The following ADGRB3 variants were observed in gnomAD, a reference collection of about 807,000 sequenced individuals.
The protein encoded by ADGRB3 is adhesion G protein-coupled receptor B3.
Under a neutral mutation model 193.4 loss-of-function variants are expected in ADGRB3, and 37 were observed. The ratio of observed to expected loss-of-function variants is 0.19; its 90% CI spans 0.15 to 0.25. The LOEUF is 0.25. ADGRB3 is among the 10% of genes least tolerant of loss of function. The pLI, the probability that ADGRB3 is intolerant of heterozygous loss-of-function variation, is 1.00. For synonymous variants in ADGRB3, 690 were observed against 644.2 expected (o/e 1.07, Z -1.08); for missense variants, 1,637 against 1,852.9 (o/e 0.88, Z 2.14).
chr6:69,311,881 C>T (rs1433590000), intron 20 of ADGRB3, among the ~76,000 whole-genome samples: 2 of 151,694 alleles, frequency 1.3e-5, no homozygotes, highest in African/African-American at 2.4e-5. Context: ...TTAATATTTC[C>T]CATTGTAAAA....
chr6:69,142,356 A>G (rs1221058075), intron 17 of ADGRB3, among the ~76,000 whole-genome samples: 1 of 152,200 alleles, frequency 6.6e-6, no homozygotes, highest in Non-Finnish European at 1.5e-5. Context: ...TAATAAAAGT[A>G]TATCTGTCTT....
chr6:69,029,063 G>GT (rs1379038268), intron 13 of ADGRB3, among the ~76,000 whole-genome samples: 1 of 151,990 alleles, frequency 6.6e-6, no homozygotes, highest in Non-Finnish European at 1.5e-5. Context: ...TTACATCTTG[G>GT]TAATTGAAAG....
chr6:69,028,844 GT>G (rs1562127734), intron 13 of ADGRB3, among the ~76,000 whole-genome samples: 2 of 152,118 alleles, frequency 1.3e-5, no homozygotes, highest in South Asian at 4.1e-4. Flanking sequence ...ATTTTTATTT[GT>G]TTTTTCCCCT....
intron 24 of ADGRB3, among the ~76,000 whole-genome samples, chr6:69,337,630 T>C (rs1413785785): frequency 1.3e-5 from 2 of 152,188 alleles, no homozygotes; most frequent in Non-Finnish European, 2.9e-5. Flanking sequence ...ACATGTGCCC[T>C]GGAGTGGATC....
intron 11 of ADGRB3, among the ~76,000 whole-genome samples, chr6:69,006,735 T>C (rs945190231): frequency 1.3e-5 from 2 of 152,044 alleles, no homozygotes; most frequent in Non-Finnish European, 2.9e-5. Flanking sequence ...CTTGAACTCC[T>C]GACCTCAGGA....
chr6:68,826,908 G>C (rs115127428), intron 3 of ADGRB3, among the ~76,000 whole-genome samples: 1,758 of 152,260 alleles, frequency 0.012, 32 homozygotes, highest in African/African-American at 0.04. Flanking sequence ...AACTTGGAGA[G>C]GTCAGTTTTG....
At chr6:68,644,855 A>G (rs1387183374) in intron 3 of ADGRB3, among the ~76,000 whole-genome samples, 1 of 152,200 alleles carries the variant, frequency 6.6e-6, no homozygotes, top group African/African-American at 2.4e-5. Flanking sequence ...GTATGTATAC[A>G]ATGTATACAC....
chr6:68,775,145 TA>T lies in ADGRB3; in HGVS notation c.757+135729del, dbSNP rs746086066. 3.0e-3 allele frequency among the ~76,000 whole-genome samples: 343 copies of T among 115,622 alleles called. 2 individuals are homozygous for T. Among genetic ancestry groups the T allele is most frequent in the South Asian group, 2.7e-3 (9 of 3,376 alleles). The allele number at this position is 115,622 out of a possible 152,430, so 75.9% of individuals were successfully genotyped here. A position where few individuals can be genotyped will look rare whatever the true frequency, so the allele number is the denominator to read the frequency against. ...TCCATAGCTCTGACAAGCTGCTTGTTAAAAAAAAAAAAAAAAGTCTTTTAAT... is the reference window on the plus strand; with the variant it reads ...TCCATAGCTCTGACAAGCTGCTTGTTAAAAAAAAAAAAAAAGTCTTTTAAT... On this transcript the variant is annotated intron_variant, in intron 3 of 31. Transcript: ENST00000370598.
chr6:68,733,758 C>G, intron 3 of ADGRB3, among the ~76,000 whole-genome samples: 1 of 151,620 alleles, frequency 6.6e-6, no homozygotes. Context: ...TGACTATAGT[C>G]AATAAAAACA....
chr6:69,040,307 C>CCCTTTCTTTCTTTCTTTCTT (rs1554251201), intron 13 of ADGRB3, among the ~76,000 whole-genome samples: 1 of 94,758 alleles, frequency 1.1e-5, no homozygotes, highest in South Asian at 3.9e-4. Flanking sequence ...CTTTCTCTGT[C>CCCTTTCTTTCTTTCTTTCTT]TCTTTCTTTC....
At chr6:68,727,069 G>A (rs903772424) in intron 3 of ADGRB3, among the ~76,000 whole-genome samples, 5 of 151,472 alleles carry the variant, frequency 3.3e-5, no homozygotes, top group Admixed American at 1.3e-4. Context: ...TCCAATATCC[G>A]TGTGGTAGCC....
chr6:68,860,140 T>G (rs979552985), intron 3 of ADGRB3, among the ~76,000 whole-genome samples: 1 of 152,180 alleles, frequency 6.6e-6, no homozygotes, highest in South Asian at 2.1e-4. Flanking sequence ...CTGTATTCAG[T>G]ATGTTGTGTT....
intron 17 of ADGRB3, among the ~76,000 whole-genome samples, chr6:69,100,905 CG>C (rs1773027456): frequency 9.1e-5 from 1 of 11,020 alleles, no homozygotes; most frequent in Non-Finnish European, 1.5e-4. Context: ...AAGGAAGAAG[CG>C]AGGGAGGGAA....
chr6:69,285,352 G>A (rs187152950), intron 20 of ADGRB3, among the ~76,000 whole-genome samples: 16 of 152,070 alleles, frequency 1.1e-4, no homozygotes, highest in East Asian at 3.9e-4. Flanking sequence ...ACTTCTAGTC[G>A]TCCTCCACCT....
At chr6:69,206,122 T>C (rs894823875) in intron 17 of ADGRB3, among the ~76,000 whole-genome samples, 3 of 145,708 alleles carry the variant, frequency 2.1e-5, no homozygotes, top group African/African-American at 7.6e-5. Flanking sequence ...GGTCCCACAA[T>C]AGGTCATCTG....
intron 3 of ADGRB3, among the ~76,000 whole-genome samples, chr6:68,859,425 C>T (rs1268334790): frequency 6.6e-6 from 1 of 152,108 alleles, no homozygotes; most frequent in African/African-American, 2.4e-5. Flanking sequence ...CACCCCACTC[C>T]TGGTACCAAT....
chr6:69,146,560 G>A (rs569950791), intron 17 of ADGRB3, among the ~76,000 whole-genome samples: 72 of 152,312 alleles, frequency 4.7e-4, no homozygotes, highest in African/African-American at 1.6e-3. Context: ...ACACACCTGG[G>A]GAACAAGAGG....
chr6:69,257,086 G>T (rs1215137383), intron 20 of ADGRB3, among the ~76,000 whole-genome samples: 6 of 152,086 alleles, frequency 3.9e-5, no homozygotes, highest in African/African-American at 1.4e-4. Context: ...TTTTTGATGT[G>T]CTGCTGGATT....
At chr6:69,259,903 A>G (rs892509933) in intron 20 of ADGRB3, among the ~76,000 whole-genome samples, 1 of 152,158 alleles carries the variant, frequency 6.6e-6, no homozygotes, top group Non-Finnish European at 1.5e-5. Context: ...GTAGGTTATA[A>G]TAAGCCTAAC....
Sources: allele counts gnomAD v4.1 joint callset (sites outside exome capture counted in the v4.1 genomes callset), GRCh38; gene constraint gnomAD v4.1.1; transcripts MANE v1.5; gene names NCBI Gene and HGNC (gene_info 2026-07-23, HGNC 2026-07-21).